The following DISP1 variants were observed in gnomAD, a reference collection of about 807,000 sequenced individuals.
The protein encoded by DISP1 is protein dispatched homolog 1.
In DISP1, 30 loss-of-function variants were observed where a neutral mutation model predicts 37.3. The ratio of observed to expected loss-of-function variants is 0.80; its 90% CI spans 0.60 to 1.09. The LOEUF (loss-of-function observed/expected upper bound fraction) is 1.09. Ranked by LOEUF, DISP1 falls within the 50% of genes least tolerant of loss-of-function variation. DISP1 has a pLI of 0.00. For synonymous variants in DISP1, 634 were observed against 690.2 expected (o/e 0.92, Z 1.28); for missense variants, 1,598 against 1,879.5 (o/e 0.85, Z 2.77).
intron 1 of DISP1, among the ~76,000 whole-genome samples, chr1:222,834,337 T>TA (rs1341542711): frequency 6.6e-6 from 1 of 152,184 alleles, no homozygotes; most frequent in African/African-American, 2.4e-5. Flanking sequence ...GGTGGGTGGT[T>TA]ACAGTGGGAT....
rs539655777 is a variant in DISP1 at position 222,958,254 on chromosome 1, T to G, written c.509+14922T>G. Among the ~76,000 whole-genome samples, 8 of 152,362 alleles carry G rather than the reference T, an allele frequency of 5.3e-5. No individual in the cohort carries two copies. The South Asian group carries it at 1.7e-3, about 32-fold the overall frequency. ...TCTTCTCAGCAATATTCTTAATGTTTCCAGCGGGAAAATTGTAAATTATTT... is the reference window on the plus strand; with the variant it reads ...TCTTCTCAGCAATATTCTTAATGTTGCCAGCGGGAAAATTGTAAATTATTT... On this transcript the variant is annotated intron_variant, in intron 3 of 8. Transcript: ENST00000675850.
chr1:222,815,827 T>G lies in DISP1; in HGVS notation c.-159+749T>G, dbSNP rs536546784. On this transcript the variant is annotated intron_variant, in intron 1 of 8. Coordinates refer to ENST00000675850, the MANE Select transcript of DISP1 (RefSeq NM_001377229.1). ...AGAGTTTAGCTTGTCTTATTTCCCT[T>G]GTCATGGGATGAACTAAATGCGTTC... is the stretch of plus-strand genomic sequence containing the variant. Among the ~76,000 whole-genome samples, 28 of 152,264 alleles carry G rather than the reference T, an allele frequency of 1.8e-4. 1 individual carries two copies. The South Asian group carries it at 3.7e-3, about 20-fold the overall frequency.
At chr1:222,920,694 T>A (rs578187818) in intron 1 of DISP1, among the ~76,000 whole-genome samples, 39 of 152,184 alleles carry the variant, frequency 2.6e-4, no homozygotes, top group African/African-American at 9.2e-4. Flanking sequence ...GAATTTTGCC[T>A]ATTTTTTAGC....
At chr1:222,936,603 C>A (rs867398591) in intron 2 of DISP1, among the ~76,000 whole-genome samples, 3 of 13,740 alleles carry the variant, frequency 2.2e-4, no homozygotes, top group Admixed American at 5.7e-4. Context: ...ATATATATCT[C>A]TCATATATAT....
intron 1 of DISP1, among the ~76,000 whole-genome samples, chr1:222,917,977 G>A (rs1249685100): frequency 6.6e-6 from 1 of 152,134 alleles, no homozygotes; most frequent in African/African-American, 2.4e-5. Flanking sequence ...TGGGCAGAAG[G>A]GATCTTATAA....
At chr1:222,883,975 T>C (rs1173771541) in intron 1 of DISP1, among the ~76,000 whole-genome samples, 1 of 152,198 alleles carries the variant, frequency 6.6e-6, no homozygotes. Flanking sequence ...CCAGGACCCA[T>C]CTTTTCTTAT....
intron 1 of DISP1, among the ~76,000 whole-genome samples, chr1:222,826,053 C>CT (rs1664303235): frequency 6.6e-6 from 1 of 152,140 alleles, no homozygotes; most frequent in African/African-American, 2.4e-5. Flanking sequence ...AGGTGTGTAC[C>CT]ACCATGCATG....
intron 3 of DISP1, among the ~76,000 whole-genome samples, chr1:222,966,710 G>A (rs1184976020): frequency 6.6e-6 from 1 of 152,146 alleles, no homozygotes; most frequent in Non-Finnish European, 1.5e-5. Context: ...GAGGTGCTGG[G>A]AAAAGTTGTA....
At chr1:222,984,871 TGA>T (rs1356659463) in intron 4 of DISP1, among the ~76,000 whole-genome samples, 2 of 152,246 alleles carry the variant, frequency 1.3e-5, no homozygotes, top group Non-Finnish European at 1.5e-5. Context: ...GTACCTCGTA[TGA>T]GTCGAATCCT....
intron 1 of DISP1, among the ~76,000 whole-genome samples, chr1:222,906,693 C>T (rs1359233619): frequency 6.6e-6 from 1 of 152,234 alleles, no homozygotes; most frequent in Non-Finnish European, 1.5e-5. Context: ...AAAGAGGAGG[C>T]ATGAATAATC....
chr1:222,902,300 G>A (rs371160986), intron 1 of DISP1, among the ~76,000 whole-genome samples: 1 of 152,126 alleles, frequency 6.6e-6, no homozygotes, highest in Non-Finnish European at 1.5e-5. Flanking sequence ...ATTTAGTGCT[G>A]TAAATTTCCC....
At chr1:222,897,117 G>A (rs1671307688) in intron 1 of DISP1, among the ~76,000 whole-genome samples, 1 of 152,120 alleles carries the variant, frequency 6.6e-6, no homozygotes, top group South Asian at 2.1e-4. Context: ...ATAGGGAAGT[G>A]GACAAACAAA....
chr1:222,901,003 T>C (rs1671546906), intron 1 of DISP1, among the ~76,000 whole-genome samples: 1 of 152,186 alleles, frequency 6.6e-6, no homozygotes, highest in Non-Finnish European at 1.5e-5. Context: ...AAGTATTTGA[T>C]GGTCTTCTTG....
At chr1:222,870,542 G>A (rs1411618518) in intron 1 of DISP1, among the ~76,000 whole-genome samples, 1 of 152,202 alleles carries the variant, frequency 6.6e-6, no homozygotes, top group Non-Finnish European at 1.5e-5. Context: ...CATGGCCAGT[G>A]ATGATGAGCA....
chr1:222,979,405 TC>T (rs1200505928), intron 3 of DISP1, among the ~76,000 whole-genome samples: 1 of 150,438 alleles, frequency 6.6e-6, no homozygotes, highest in African/African-American at 2.5e-5. Context: ...AGACCTTGTC[TC>T]AAAAAAAAAA....
chr1:222,873,925 C>T (rs1244746964), intron 1 of DISP1, among the ~76,000 whole-genome samples: 3 of 152,078 alleles, frequency 2.0e-5, no homozygotes, highest in African/African-American at 7.2e-5. Context: ...TTGTTCCTTT[C>T]CATGTTTAGT....
chr1:222,987,472 C>T (rs993346101), intron 4 of DISP1, among the ~76,000 whole-genome samples: 9 of 152,144 alleles, frequency 5.9e-5, no homozygotes, highest in Admixed American at 3.3e-4. Context: ...TGAGGTTAAA[C>T]GTGTTTGGAA....
At chr1:222,819,551 T>A (rs71644707) in intron 1 of DISP1, among the ~76,000 whole-genome samples, 22,304 of 149,668 alleles carry the variant, frequency 0.15, 1,750 homozygotes, top group South Asian at 0.26. Flanking sequence ...TTTTTTTTTT[T>A]TTTTTTGACA....
At chr1:222,888,814 T>TTGTG (rs141130475) in intron 1 of DISP1, among the ~76,000 whole-genome samples, 6,159 of 150,662 alleles carry the variant, frequency 0.041, 192 homozygotes, top group African/African-American at 0.082. Flanking sequence ...GCTTTGTCAG[T>TTGTG]TGTGTGTGTG....
Sources: allele counts gnomAD v4.1 joint callset (sites outside exome capture counted in the v4.1 genomes callset), GRCh38; gene constraint gnomAD v4.1.1; transcripts MANE v1.5; gene names NCBI Gene and HGNC (gene_info 2026-07-23, HGNC 2026-07-21).